The following ZNF569 variants were observed in gnomAD, a reference collection of about 807,000 sequenced individuals.
The protein encoded by ZNF569 is DNA-binding protein.
ZNF569 carries 38 observed loss-of-function variants against 56.3 expected under a neutral mutation model. That is an observed-to-expected ratio of 0.68 (90% confidence interval 0.52 to 0.88). The LOEUF is 0.88. Among genes scored for constraint, ZNF569 ranks in the 40% least tolerant of loss-of-function variants. The probability of loss-of-function intolerance (pLI) is 0.00; values close to 1 mark genes in which losing one functional copy is unlikely to be tolerated. For missense variants in ZNF569, 666 were observed against 809.2 expected, an observed-to-expected ratio of 0.82 and a Z score of 2.15; for synonymous variants, 241 against 262.9, an observed-to-expected ratio of 0.92 and a Z score of 0.81.
At position 37,413,752 on chromosome 19, in the gene ZNF569, C is replaced by T; in HGVS notation, c.906G>A (p.Glu302=). The part of the protein sequence containing the change: ...HTGEKPYECN[E]CGKAFSQKQS... ...GCTTCTGGCTGAATGCTTTTCCACA[C>T]TCATTACATTCATAAGGTTTCTCTC... is the stretch of plus-strand genomic sequence containing the variant. Residue 302 remains glutamate, a synonymous_variant, in exon 6 of 6, where the codon GAG becomes GAA. Transcript: ENST00000316950. 1 of 1,613,298 alleles carries T rather than the reference C, an allele frequency of 6.2e-7. No homozygotes were observed. The highest frequency in any genetic ancestry group is 8.5e-7 in the Non-Finnish European group (1 of 1,179,840).
intron 2 of ZNF569, among the ~76,000 whole-genome samples, chr19:37,450,475 C>A (rs1296794239): frequency 6.6e-6 from 1 of 152,034 alleles, no homozygotes; most frequent in Non-Finnish European, 1.5e-5. Flanking sequence ...ATCCTTTTTA[C>A]TTCTGTGGCA....
At chr19:37,434,929 AG>A (rs910789953) in intron 3 of ZNF569, among the ~76,000 whole-genome samples, 1 of 152,164 alleles carries the variant, frequency 6.6e-6, no homozygotes, top group African/African-American at 2.4e-5. Context: ...TTTTGGACTC[AG>A]CCCGCCTGCA....
intron 2 of ZNF569, among the ~76,000 whole-genome samples, chr19:37,453,267 C>T (rs536623221): frequency 2.0e-4 from 31 of 152,274 alleles, no homozygotes; most frequent in Admixed American, 1.8e-3. Context: ...TCCTGAATCT[C>T]CCTACTAGCT....
chr19:37,411,466 T>C lies in ZNF569; in HGVS notation c.*1131A>G, dbSNP rs1282508271. ...ATCTATTCCACAATTGATAAAAATT[T>C]GTTATATCCAATTTTGGGCAATACA... On this transcript the variant is annotated 3_prime_UTR_variant, in exon 6 of 6. Coordinates refer to ENST00000316950, the MANE Select transcript of ZNF569 (RefSeq NM_152484.3). 6.6e-6 allele frequency: 1 copy of C among 152,178 alleles called. No homozygotes were observed. The highest frequency in any genetic ancestry group is 1.5e-5 in the Non-Finnish European group (1 of 68,002). The allele number at this position is 152,178 out of a possible 1,614,324, so 9.4% of individuals were successfully genotyped here. A position where few individuals can be genotyped will look rare whatever the true frequency, so the allele number is the denominator to read the frequency against.
intron 3 of ZNF569, among the ~76,000 whole-genome samples, chr19:37,441,428 C>A (rs529290522): frequency 1.2e-4 from 19 of 152,174 alleles, no homozygotes; most frequent in Admixed American, 1.1e-3. Flanking sequence ...GGCCGAGAGG[C>A]AGGAGGATTG....
intron 3 of ZNF569, among the ~76,000 whole-genome samples, chr19:37,428,524 T>TAAA (rs577659092): frequency 0.021 from 1,885 of 87,874 alleles, 58 homozygotes; most frequent in African/African-American, 0.072. Context: ...CCCTGTCTCT[T>TAAA]AAAAAAAAAA....
At chr19:37,433,530 A>G (rs1252377759) in intron 3 of ZNF569, among the ~76,000 whole-genome samples, 1 of 152,214 alleles carries the variant, frequency 6.6e-6, no homozygotes, top group African/African-American at 2.4e-5. Context: ...TTTAAACCAA[A>G]TAAGACTACT....
chr19:37,448,144 T>A (rs531024127), intron 2 of ZNF569, among the ~76,000 whole-genome samples: 1 of 152,192 alleles, frequency 6.6e-6, no homozygotes. Context: ...AAAGTTTGTA[T>A]AGAATCATTA....
intron 3 of ZNF569, among the ~76,000 whole-genome samples, chr19:37,434,783 C>A (rs2041282477): frequency 6.6e-6 from 1 of 152,220 alleles, no homozygotes; most frequent in African/African-American, 2.4e-5. Context: ...TAAGAAGGTT[C>A]TTTGTAATTC....
At position 37,414,437 on chromosome 19, in the gene ZNF569, T is replaced by A; in HGVS notation, c.239-18A>T. On this transcript the variant is annotated intron_variant, in intron 5 of 5. Coordinates refer to ENST00000316950, the MANE Select transcript of ZNF569 (RefSeq NM_152484.3). ...TATTTCTCCTAAAACAGATTGCAAATAAATATCACTTACAAATTTTTTTCC... is the reference window on the plus strand; with the variant it reads ...TATTTCTCCTAAAACAGATTGCAAAAAAATATCACTTACAAATTTTTTTCC... 6.5e-7 allele frequency: 1 copy of A among 1,529,320 alleles called. No individual in the cohort carries two copies. Among genetic ancestry groups the A allele is most frequent in the Non-Finnish European group, 8.7e-7 (1 of 1,145,036 alleles). 94.7% of individuals were successfully genotyped at this position (1,529,320 alleles called of 1,614,324 possible).
At chr19:37,447,554 T>C (rs1424865033) in intron 2 of ZNF569, among the ~76,000 whole-genome samples, 1 of 152,192 alleles carries the variant, frequency 6.6e-6, no homozygotes, top group Non-Finnish European at 1.5e-5. Context: ...GAAACAGTTA[T>C]ATTCCTTCCT....
intron 2 of ZNF569, among the ~76,000 whole-genome samples, chr19:37,464,861 C>T (rs1212830832): frequency 6.6e-6 from 1 of 152,226 alleles, no homozygotes; most frequent in Admixed American, 6.5e-5. Context: ...GCAGCCAAAG[C>T]TGTCTTCTTA....
At chr19:37,443,218 C>A (rs1017302954) in intron 3 of ZNF569, among the ~76,000 whole-genome samples, 3 of 152,054 alleles carry the variant, frequency 2.0e-5, no homozygotes, top group African/African-American at 7.2e-5. Flanking sequence ...TGGTGGCGCA[C>A]GCCTGTAATC....
At chr19:37,450,595 T>G (rs889187270) in intron 2 of ZNF569, among the ~76,000 whole-genome samples, 7 of 152,204 alleles carry the variant, frequency 4.6e-5, no homozygotes, top group African/African-American at 1.7e-4. Flanking sequence ...AAATACCAAC[T>G]GTTAGTTTCT....
At chr19:37,425,120 TAC>T (rs1283809129) in intron 5 of ZNF569, among the ~76,000 whole-genome samples, 1 of 151,230 alleles carries the variant, frequency 6.6e-6, no homozygotes, top group Admixed American at 6.6e-5. Context: ...GTCACACACA[TAC>T]ACACACAAAA....
chr19:37,437,070 C>T (rs1230326096), intron 3 of ZNF569, among the ~76,000 whole-genome samples: 2 of 148,574 alleles, frequency 1.3e-5, no homozygotes, highest in Non-Finnish European at 3.0e-5. Flanking sequence ...AACATTGATG[C>T]AAAAATCCTC....
At chr19:37,421,448 T>G (rs1600295757) in intron 5 of ZNF569, among the ~76,000 whole-genome samples, 1 of 152,182 alleles carries the variant, frequency 6.6e-6, no homozygotes, top group African/African-American at 2.4e-5. Flanking sequence ...TTACTGCAGC[T>G]TCCATCGGCT....
intron 2 of ZNF569, among the ~76,000 whole-genome samples, chr19:37,454,618 T>C (rs1474768378): frequency 1.3e-5 from 2 of 152,118 alleles, no homozygotes; most frequent in African/African-American, 4.8e-5. Context: ...GGGCTGCTGT[T>C]GCCCTCCCCC....
At chr19:37,454,433 G>A (rs1265860148) in intron 2 of ZNF569, among the ~76,000 whole-genome samples, 1 of 152,024 alleles carries the variant, frequency 6.6e-6, no homozygotes, top group Non-Finnish European at 1.5e-5. Context: ...GCCTTCACAA[G>A]TGCTCTTGCC....
Sources: gnomAD v4.1 joint callset for allele counts (sites outside exome capture counted in the v4.1 genomes callset) on GRCh38, gnomAD v4.1.1 for gene constraint, MANE v1.5 for transcripts, NCBI Gene and HGNC (gene_info 2026-07-23, HGNC 2026-07-21) for gene names.